Variants in ADGRG1 observed in about 807,000 individuals in gnomAD.
The protein encoded by ADGRG1 is adhesion G protein-coupled receptor G1, also known as 7-transmembrane protein with no EGF-like N-terminal domains-1.
In ADGRG1, 53 loss-of-function variants were observed where a neutral mutation model predicts 73.5. The ratio of observed to expected loss-of-function variants is 0.72; its 90% CI spans 0.58 to 0.91. The LOEUF is 0.91. Among genes scored for constraint, ADGRG1 ranks in the 40% least tolerant of loss-of-function variants. The pLI, the probability that ADGRG1 is intolerant of heterozygous loss-of-function variation, is 0.00. For synonymous variants in ADGRG1, 394 were observed against 374.4 expected (o/e 1.05, Z -0.60); for missense variants, 795 against 871.8 (o/e 0.91, Z 1.11).
At position 57,631,703 on chromosome 16, in the gene ADGRG1, G is replaced by A. The variant is rs745967729; in HGVS notation, c.-36+2901G>A. The A allele has an allele frequency of 6.1e-6, 6 of 985,158 alleles. No homozygotes were observed. The African/African-American group carries it at 8.7e-5, about 14-fold the overall frequency. The allele number at this position is 985,158 out of a possible 1,614,324, so 61.0% of individuals were successfully genotyped here. A position where few individuals can be genotyped will look rare whatever the true frequency, so the allele number is the denominator to read the frequency against. On this transcript the variant is annotated intron_variant, in intron 1 of 13. Transcript: ENST00000562631. ...TGGCAAATGGGGGGCGGGGCGGGCTGGCACAAAGGGGTCTCTCAAACCGGG... is the reference window on the plus strand; with the variant it reads ...TGGCAAATGGGGGGCGGGGCGGGCTAGCACAAAGGGGTCTCTCAAACCGGG...
At chr16:57,644,538 C>T (rs1298770275) in intron 1 of ADGRG1, among the ~76,000 whole-genome samples, 4 of 139,012 alleles carry the variant, frequency 2.9e-5, no homozygotes, top group Admixed American at 7.4e-5. Context: ...CACACATGCG[C>T]AGGCACACAC....
intron 1 of ADGRG1, chr16:57,631,107 C>T: frequency 4.1e-6 from 4 of 984,948 alleles, no homozygotes; most frequent in African/African-American, 1.8e-5. Flanking sequence ...CAGTCTCTGG[C>T]TGCTGGGTTA....
At chr16:57,630,649 A>G (rs1288492876) in intron 1 of ADGRG1, 2 of 430,232 alleles carry the variant, frequency 4.6e-6, no homozygotes, top group Non-Finnish European at 6.2e-6. Flanking sequence ...TCCTTTTGTC[A>G]GGGATACAAA....
rs770271941 is a variant in ADGRG1, at chr16:57,655,519, G to A, written c.889G>A (p.Ala297Thr). The change falls in exon 6 of 14, where the codon GCC becomes ACC. Residue 297 changes from alanine to threonine, a missense_variant. Physicochemically the swap from Ala to Thr is moderately conservative, Grantham distance 58. Transcript: ENST00000562631. The part of the protein sequence containing the change: ...RLLLVDFSSQ[A>T]LFQDKNSSQV... Reference sequence around the variant, plus strand: ...CCTCCTGGTGGACTTCAGCAGCCAAGCCCTGTTCCAGGTATGGGGTCCTCA... The same window carrying A: ...CCTCCTGGTGGACTTCAGCAGCCAAACCCTGTTCCAGGTATGGGGTCCTCA... 1 of 1,613,888 alleles carries A rather than the reference G, an allele frequency of 6.2e-7. No individual in the cohort carries two copies. Among genetic ancestry groups the A allele is most frequent in the East Asian group, 2.2e-5 (1 of 44,872 alleles).
At chr16:57,633,226 C>A in intron 1 of ADGRG1, 2 of 722,152 alleles carry the variant, frequency 2.8e-6, no homozygotes, top group Non-Finnish European at 3.4e-6. Flanking sequence ...AAAGTATGTA[C>A]CTAGCACAGT....
At chr16:57,625,023 C>T (rs929219461), upstream of ADGRG1, among the ~76,000 whole-genome samples, 2 of 152,134 alleles carry the variant, frequency 1.3e-5, no homozygotes, top group Admixed American at 6.5e-5. Context: ...TAGAGGCCAG[C>T]TGGCCTGAAC....
At chr16:57,636,327 G>T (rs2039355896) in intron 1 of ADGRG1, 50 of 985,216 alleles carry the variant, frequency 5.1e-5, no homozygotes, top group Non-Finnish European at 6.0e-5. Flanking sequence ...GCTGTCTGTG[G>T]CCCCAGTGGC....
Position 57,655,469 on chromosome 16 carries a change from G to T in ADGRG1, c.839G>T (p.Arg280Leu), listed in dbSNP as rs778915635. 1.2e-6 allele frequency: 2 copies of T among 1,613,714 alleles called. No homozygotes were observed. The highest frequency in any genetic ancestry group is 2.7e-5 in the African/African-American group (2 of 74,912). ...PRTLFQRTKG[R>L]SGEAEKRLLL... ...ACACTCTTCCAGAGGACGAAAGGCC[G>T]GAGCGGGGAGGCTGAGAAGAGACTC... The change falls in exon 6 of 14, where the codon CGG becomes CTG. Residue 280 changes from arginine (R) to leucine (L), a missense_variant. Arg to Leu is a moderately radical substitution (Grantham distance 102). Transcript: ENST00000562631.
At chr16:57,629,009 AGT>A (rs1369170391) in intron 1 of ADGRG1, 5 of 477,142 alleles carry the variant, frequency 1.0e-5, no homozygotes, top group Admixed American at 6.5e-5. Context: ...TGAGTGTGAG[AGT>A]GTGACTGAGC....
Position 57,660,858 on chromosome 16 carries a change from G to A in ADGRG1, c.1646G>A (p.Gly549Asp), listed in dbSNP as rs1220215860. The A allele has an allele frequency of 2.5e-6, 4 of 1,597,082 alleles. No individual in the cohort carries two copies. The highest frequency in any genetic ancestry group is 1.3e-5 in the African/African-American group (1 of 74,604). Residue 549 changes from glycine to aspartate, a missense_variant, in exon 12 of 14, where the codon GGC becomes GAC. Gly to Asp is a moderately conservative substitution (Grantham distance 94). Coordinates refer to ENST00000562631, the MANE Select transcript of ADGRG1 (RefSeq NM_201525.4). ...TTGGCTGTGCATAGGACTCCAGAGG[G>A]CGTCATCTACCCTTCCATGTGAGTG... is the stretch of plus-strand genomic sequence containing the variant. ...IILAVHRTPE[G>D]VIYPSMCWIR...
At chr16:57,650,787 C>T (rs1253277581) in intron 2 of ADGRG1, among the ~76,000 whole-genome samples, 1 of 143,370 alleles carries the variant, frequency 7.0e-6, no homozygotes, top group Non-Finnish European at 1.5e-5. Flanking sequence ...CGGCTCACTG[C>T]AAGCTCCGCC....
intron 1 of ADGRG1, chr16:57,634,189 T>G (rs1437512933): frequency 1.0e-6 from 1 of 985,308 alleles, no homozygotes; most frequent in African/African-American, 1.7e-5. Context: ...AGCTGACCCC[T>G]TCTGGGTCCT....
chr16:57,655,744 C>T, intron 6 of ADGRG1, 132 bp from the exon 7 acceptor site: 1 of 1,606,542 alleles, frequency 6.2e-7, no homozygotes, highest in East Asian at 2.2e-5. Flanking sequence ...AAAAGTGGTT[C>T]CAGAGGGAGA....
intron 1 of ADGRG1, chr16:57,634,570 C>T (rs1469375079): frequency 1.2e-4 from 89 of 743,100 alleles, no homozygotes; most frequent in Non-Finnish European, 1.4e-4. Context: ...CCCAAGAGCT[C>T]GGAGCAGTCA....
At chr16:57,662,106 C>T (rs546578866) in intron 13 of ADGRG1, 141 bp downstream of exon 13, 1 of 752,798 alleles carries the variant, frequency 1.3e-6, no homozygotes, top group African/African-American at 1.7e-5. Context: ...ACATCCAGGC[C>T]ACAGTCAACA....
At chr16:57,623,208 G>A (rs552172078), upstream of ADGRG1, 266 of 985,120 alleles carry the variant, frequency 2.7e-4, no homozygotes, top group African/African-American at 4.3e-3. Flanking sequence ...GCTAAACAGG[G>A]GTTCACCTGC....
chr16:57,650,235 A>T lies in ADGRG1; in HGVS notation c.-35-18A>T, dbSNP rs2043706538. ...CACACAGTCCACACTCCCAGCTAAC[A>T]CTCCTGGTCTCTTCCAGGTGGTGAC... On this transcript the variant is annotated intron_variant, in intron 1 of 13. Coordinates refer to ENST00000562631, the MANE Select transcript of ADGRG1 (RefSeq NM_201525.4). 2 of 1,586,976 alleles carry T rather than the reference A, an allele frequency of 1.3e-6. No homozygotes were observed. The highest frequency in any genetic ancestry group is 1.7e-5 in the Admixed American group (1 of 59,920).
chr16:57,639,617 C>T, intron 1 of ADGRG1: 1 of 985,534 alleles, frequency 1.0e-6, no homozygotes, highest in Non-Finnish European at 1.2e-6. Flanking sequence ...CCCTCATCTG[C>T]CACGCACGTT....
intron 12 of ADGRG1, chr16:57,661,484 T>C: frequency 7.1e-6 from 7 of 982,158 alleles, no homozygotes; most frequent in Non-Finnish European, 8.5e-6. Flanking sequence ...CTCACTTTTG[T>C]ACTATCTATA....
Sources: gnomAD v4.1 joint callset for allele counts (sites outside exome capture counted in the v4.1 genomes callset) on GRCh38, gnomAD v4.1.1 for gene constraint, MANE v1.5 for transcripts, NCBI Gene and HGNC (gene_info 2026-07-23, HGNC 2026-07-21) for gene names.